The following NDUFAF2 variants were observed in gnomAD, a reference collection of about 807,000 sequenced individuals.
NDUFAF2 encodes the protein NADH dehydrogenase [ubiquinone] 1 alpha subcomplex assembly factor 2.
Under a neutral mutation model 22.8 loss-of-function variants are expected in NDUFAF2, and 13 were observed. That is an observed-to-expected ratio of 0.57 (90% CI 0.37 to 0.91). NDUFAF2 has a LOEUF of 0.91. Ranked by LOEUF, NDUFAF2 falls within the 40% of genes least tolerant of loss-of-function variation. The pLI, the probability that NDUFAF2 is intolerant of heterozygous loss-of-function variation, is 0.01. For missense variants in NDUFAF2, 162 were observed against 195.2 expected (o/e 0.83, Z 1.01); for synonymous variants, 53 against 64.2 (o/e 0.83, Z 0.84).
intron 1 of NDUFAF2, among the ~76,000 whole-genome samples, chr5:61,030,607 T>C (rs904622478): frequency 6.6e-6 from 1 of 152,130 alleles, no homozygotes; most frequent in Non-Finnish European, 1.5e-5. Context: ...CTGCCTTAGC[T>C]GTTTTCTTTC....
chr5:60,972,794 C>CTT (rs774157042), intron 1 of NDUFAF2, among the ~76,000 whole-genome samples: 7 of 84,870 alleles, frequency 8.2e-5, no homozygotes, highest in Admixed American at 2.3e-4. Flanking sequence ...TTTTGGTTTT[C>CTT]TTTTTTTTTT....
At chr5:60,965,909 GTAGTTCTATTTT>G (rs1750752945) in intron 1 of NDUFAF2, among the ~76,000 whole-genome samples, 1 of 152,038 alleles carries the variant, frequency 6.6e-6, no homozygotes, top group Admixed American at 6.6e-5. Flanking sequence ...AGATCATATG[GTAGTTCTATTTT>G]TAGTTTTTTG....
chr5:61,145,556 G>A (rs920146775), intron 3 of NDUFAF2, among the ~76,000 whole-genome samples: 1 of 152,094 alleles, frequency 6.6e-6, no homozygotes, highest in Non-Finnish European at 1.5e-5. Context: ...ATACTTAACT[G>A]GTAAGTAAAA....
intron 1 of NDUFAF2, among the ~76,000 whole-genome samples, chr5:60,995,443 C>T (rs1199619806): frequency 6.6e-6 from 1 of 152,226 alleles, no homozygotes; most frequent in Admixed American, 6.5e-5. Flanking sequence ...GAGGTACTGC[C>T]TTGATGGTCT....
chr5:61,094,044 G>A (rs1752604970), intron 2 of NDUFAF2, among the ~76,000 whole-genome samples: 1 of 152,104 alleles, frequency 6.6e-6, no homozygotes, highest in African/African-American at 2.4e-5. Context: ...TAGTTTATGT[G>A]GATAAAGGTG....
At chr5:61,119,243 T>A (rs2111796437) in intron 3 of NDUFAF2, among the ~76,000 whole-genome samples, 1 of 152,338 alleles carries the variant, frequency 6.6e-6, no homozygotes, top group East Asian at 1.9e-4. Context: ...TTTGCATTAC[T>A]AATTCAAATA....
chr5:60,956,855 C>T (rs1750622853), intron 1 of NDUFAF2, among the ~76,000 whole-genome samples: 1 of 152,028 alleles, frequency 6.6e-6, no homozygotes, highest in South Asian at 2.1e-4. Context: ...ATATCATCTC[C>T]TGAATTTTAT....
At chr5:60,968,330 T>C (rs1396939902) in intron 1 of NDUFAF2, among the ~76,000 whole-genome samples, 1 of 151,904 alleles carries the variant, frequency 6.6e-6, no homozygotes, top group Non-Finnish European at 1.5e-5. Flanking sequence ...AGTCTCCATT[T>C]CCTTTTTATC....
At chr5:60,993,049 C>A (rs184211635) in intron 1 of NDUFAF2, among the ~76,000 whole-genome samples, 26 of 152,346 alleles carry the variant, frequency 1.7e-4, no homozygotes, top group Admixed American at 6.5e-5. Context: ...GGATCCCATG[C>A]CTGCCAAGGG....
At chr5:61,141,116 AC>A (rs1412962908) in intron 3 of NDUFAF2, among the ~76,000 whole-genome samples, 1 of 151,970 alleles carries the variant, frequency 6.6e-6, no homozygotes, top group Non-Finnish European at 1.5e-5. Flanking sequence ...AATCCCAGCT[AC>A]TCTGAAGGCT....
Position 61,022,413 on chromosome 5 carries a change from T to C in NDUFAF2, c.128-50712T>C, listed in dbSNP as rs183845900. Among the ~76,000 whole-genome samples the C allele has an allele frequency of 1.0e-3, 156 of 152,342 alleles. No homozygotes were observed. In the East Asian group the frequency reaches 0.024, roughly 24 times the overall value. On this transcript the variant is annotated intron_variant, in intron 1 of 3. Transcript: ENST00000296597. Reference sequence around the variant, plus strand: ...TTTTATTTGTCTGAGAATGTCTGTTTTCCTCACAGACCTGAATGATGGTTT... The same window carrying C: ...TTTTATTTGTCTGAGAATGTCTGTTCTCCTCACAGACCTGAATGATGGTTT...
At chr5:61,035,879 T>C (rs1387538871) in intron 1 of NDUFAF2, among the ~76,000 whole-genome samples, 1 of 152,176 alleles carries the variant, frequency 6.6e-6, no homozygotes, top group Non-Finnish European at 1.5e-5. Flanking sequence ...TAAGCTGTAA[T>C]AGCTAAAGAG....
At chr5:61,003,384 A>G (rs927893403) in intron 1 of NDUFAF2, among the ~76,000 whole-genome samples, 2 of 152,052 alleles carry the variant, frequency 1.3e-5, no homozygotes, top group Admixed American at 1.3e-4. Context: ...ATTACTATCA[A>G]TATTCCAATT....
chr5:60,979,592 G>A (rs933529960), intron 1 of NDUFAF2, among the ~76,000 whole-genome samples: 85 of 152,132 alleles, frequency 5.6e-4, no homozygotes, highest in Non-Finnish European at 8.2e-4. Context: ...GGAAAAGGGA[G>A]AGAAGACTGG....
At chr5:60,984,092 G>C (rs1449824731) in intron 1 of NDUFAF2, among the ~76,000 whole-genome samples, 1 of 152,092 alleles carries the variant, frequency 6.6e-6, no homozygotes, top group Non-Finnish European at 1.5e-5. Flanking sequence ...GTGGTTTGTA[G>C]TTCTCCTTGA....
intron 2 of NDUFAF2, among the ~76,000 whole-genome samples, chr5:61,088,767 C>T (rs1417777919): frequency 6.6e-6 from 1 of 152,056 alleles, no homozygotes; most frequent in East Asian, 1.9e-4. Flanking sequence ...ACAGTAAAAA[C>T]TGTGGATCTC....
rs547109434 is a variant in NDUFAF2, at chr5:61,098,240, A to T, written c.218-752A>T. ...TAGATGGGAAGCCTGATGCTTAGAA[A>T]ATTAAATAACTTGCTCCAGGTGACA... On this transcript the variant is annotated intron_variant, in intron 2 of 3. Coordinates refer to ENST00000296597, the MANE Select transcript of NDUFAF2 (RefSeq NM_174889.5). Among the ~76,000 whole-genome samples the T allele has an allele frequency of 1.6e-4, 25 of 152,340 alleles. No homozygotes were observed. In the South Asian group the frequency reaches 5.0e-3, roughly 30 times the overall value.
chr5:61,029,383 G>A (rs1452922566), intron 1 of NDUFAF2, among the ~76,000 whole-genome samples: 2 of 152,164 alleles, frequency 1.3e-5, no homozygotes, highest in South Asian at 2.1e-4. Flanking sequence ...AAGCAGATGA[G>A]CAAGAGTTCA....
At chr5:61,102,264 T>C (rs1752713321) in intron 3 of NDUFAF2, among the ~76,000 whole-genome samples, 1 of 152,194 alleles carries the variant, frequency 6.6e-6, no homozygotes, top group South Asian at 2.1e-4. Flanking sequence ...GCTAATACTG[T>C]CTGACTTTAA....
Sources: allele counts gnomAD v4.1 joint callset (sites outside exome capture counted in the v4.1 genomes callset), GRCh38; gene constraint gnomAD v4.1.1; transcripts MANE v1.5; gene names NCBI Gene and HGNC (gene_info 2026-07-23, HGNC 2026-07-21).